Variants in GSE1 observed in about 807,000 individuals in gnomAD.
GSE1 encodes the protein genetic suppressor element 1.
In GSE1, 32 loss-of-function variants were observed where a neutral mutation model predicts 112.6. The ratio of observed to expected loss-of-function variants is 0.28; its 90% CI spans 0.21 to 0.38. GSE1 has a LOEUF of 0.38. Ranked by LOEUF, GSE1 falls within the 10% of genes least tolerant of loss-of-function variation. The probability of loss-of-function intolerance (pLI) is 1.00; values close to 1 mark genes in which losing one functional copy is unlikely to be tolerated. For missense variants in GSE1, 2,348 were observed against 1,699.2 expected (o/e 1.38, Z -6.71); for synonymous variants, 1,115 against 735.6 (o/e 1.52, Z -8.35).
intron 1 of GSE1, among the ~76,000 whole-genome samples, chr16:85,211,992 G>C (rs1028564874): frequency 2.0e-5 from 3 of 152,230 alleles, no homozygotes; most frequent in Non-Finnish European, 4.4e-5. Context: ...GTTTCTGACT[G>C]GGGGAGGACT....
At chr16:85,206,218 C>T (rs148612617) in intron 1 of GSE1, among the ~76,000 whole-genome samples, 1,539 of 150,074 alleles carry the variant, frequency 0.01, 28 homozygotes, top group African/African-American at 0.036. Context: ...CAAAGGGCGC[C>T]GGGTGTGGTG....
At position 85,210,787 on chromosome 16, in the gene GSE1, C is replaced by T. The variant is rs141150595; in HGVS notation, c.2283+38980C>T. ...TTGAAACATCCTTTAATGTTGTCAC[C>T]GTGTCATCTTAGCACTAAATGGGAG... On this transcript the variant is annotated intron_variant, in intron 1 of 2. Coordinates refer to the GSE1 transcript ENST00000637419. 2.7e-3 allele frequency among the ~76,000 whole-genome samples: 418 copies of T among 152,278 alleles called. 2 individuals carry two copies. The highest frequency in any genetic ancestry group is 9.2e-3 in the African/African-American group (382 of 41,548).
chr16:85,206,617 C>G (rs1382347315), intron 1 of GSE1, among the ~76,000 whole-genome samples: 1 of 152,150 alleles, frequency 6.6e-6, no homozygotes, highest in African/African-American at 2.4e-5. Flanking sequence ...GCCGGGGGGC[C>G]CCTACAGCAT....
intron 2 of GSE1, among the ~76,000 whole-genome samples, chr16:85,550,332 G>C (rs1598145386): frequency 6.6e-6 from 1 of 152,166 alleles, no homozygotes; most frequent in African/African-American, 2.4e-5. Flanking sequence ...TCTTCATCTG[G>C]AAAATGGAAC....
At chr16:85,401,169 G>A (rs917556188) in intron 2 of GSE1, among the ~76,000 whole-genome samples, 1 of 152,172 alleles carries the variant, frequency 6.6e-6, no homozygotes, top group Non-Finnish European at 1.5e-5. Context: ...GGGGGCCCCC[G>A]CCCGGCAGGA....
intron 2 of GSE1, among the ~76,000 whole-genome samples, chr16:85,456,579 C>T (rs937940977): frequency 2.8e-4 from 26 of 91,474 alleles, no homozygotes; most frequent in African/African-American, 9.1e-4. Flanking sequence ...ATTTTCCTGC[C>T]GTGTGTGTGT....
upstream of GSE1, chr16:85,613,109 C>G: frequency 2.0e-6 from 2 of 983,478 alleles, no homozygotes; most frequent in Non-Finnish European, 1.4e-6. Flanking sequence ...TGCGCGCGCG[C>G]GCGCCTGTGT....
At position 85,518,889 on chromosome 16, in the gene GSE1, C is replaced by T. The variant is rs142154207; in HGVS notation, c.2465-115025C>T. Among the ~76,000 whole-genome samples the T allele has an allele frequency of 1.2e-3, 179 of 152,250 alleles. 1 individual carries two copies. Among genetic ancestry groups the T allele is most frequent in the African/African-American group, 4.1e-3 (171 of 41,538 alleles). On this transcript the variant is annotated intron_variant, in intron 2 of 2. Coordinates refer to the GSE1 transcript ENST00000637419. ...CCAGCTCAGGCTCACACCTGGGCCC[C>T]CAACACACACCCCCGTTTTGTCCTC...
At chr16:85,665,176 G>T in intron 12 of GSE1, 48 bp downstream of exon 12, 1 of 1,130,174 alleles carries the variant, frequency 8.8e-7, no homozygotes, top group Non-Finnish European at 1.3e-6. Flanking sequence ...CCATCCCATG[G>T]GCTGCCCAGG....
intron 1 of GSE1, among the ~76,000 whole-genome samples, chr16:85,236,968 C>T (rs923093638): frequency 1.3e-5 from 2 of 152,218 alleles, no homozygotes; most frequent in Admixed American, 1.3e-4. Context: ...TTTATGACCA[C>T]TGTCACCACC....
At chr16:85,204,283 C>T (rs1480585615) in intron 1 of GSE1, among the ~76,000 whole-genome samples, 1 of 152,232 alleles carries the variant, frequency 6.6e-6, no homozygotes, top group Non-Finnish European at 1.5e-5. Context: ...CACCCCTGAA[C>T]TTCATTCTTC....
At chr16:85,280,698 A>G (rs1434329963) in intron 1 of GSE1, among the ~76,000 whole-genome samples, 3 of 152,138 alleles carry the variant, frequency 2.0e-5, no homozygotes, top group Non-Finnish European at 4.4e-5. Flanking sequence ...ACCCGGCCAC[A>G]TGGTCTCTTT....
rs550628535 is a variant in GSE1, at chr16:85,273,698, G to T, written c.2284-83765G>T. Among the ~76,000 whole-genome samples the T allele has an allele frequency of 6.2e-3, 934 of 151,576 alleles. 12 individuals are homozygous for T. Among genetic ancestry groups the T allele is most frequent in the Middle Eastern group, 0.037 (11 of 294 alleles). ...TCATGGGCATGGGGTCTCCTTTTTG[G>T]TTTTTTTTGAGATGGAGTTTAGCCC... On this transcript the variant is annotated intron_variant, in intron 1 of 2. Coordinates refer to the GSE1 transcript ENST00000637419.
At chr16:85,506,223 C>T (rs1298371654) in intron 2 of GSE1, among the ~76,000 whole-genome samples, 1 of 152,216 alleles carries the variant, frequency 6.6e-6, no homozygotes, top group Non-Finnish European at 1.5e-5. Flanking sequence ...ACGGTCACCG[C>T]CAGCCACATG....
At chr16:85,316,893 G>C (rs1209144098) in intron 1 of GSE1, among the ~76,000 whole-genome samples, 2 of 152,204 alleles carry the variant, frequency 1.3e-5, no homozygotes, top group Non-Finnish European at 2.9e-5. Flanking sequence ...CGGCCTCAAA[G>C]AGTGGAAAAA....
At chr16:85,219,365 C>T (rs989476028) in intron 1 of GSE1, among the ~76,000 whole-genome samples, 1 of 152,198 alleles carries the variant, frequency 6.6e-6, no homozygotes, top group Non-Finnish European at 1.5e-5. Flanking sequence ...TATATTTTGA[C>T]ACTTTGGTTG....
intron 1 of GSE1, among the ~76,000 whole-genome samples, chr16:85,182,454 A>AG (rs1468753547): frequency 6.6e-6 from 1 of 152,168 alleles, no homozygotes; most frequent in Non-Finnish European, 1.5e-5. Flanking sequence ...TGGTCCCTGC[A>AG]GGGGGGATCG....
intron 2 of GSE1, among the ~76,000 whole-genome samples, chr16:85,483,357 T>A (rs1054104562): frequency 7.9e-5 from 12 of 152,094 alleles, no homozygotes; most frequent in Non-Finnish European, 1.2e-4. Flanking sequence ...TGGAGTTGAG[T>A]CCCCTTCTCT....
chr16:85,256,635 C>T (rs1471588882), intron 1 of GSE1, among the ~76,000 whole-genome samples: 1 of 152,250 alleles, frequency 6.6e-6, no homozygotes, highest in Admixed American at 6.5e-5. Context: ...TCCACCAGCT[C>T]CTCCCCATCC....
Sources: gnomAD v4.1 joint callset for allele counts (sites outside exome capture counted in the v4.1 genomes callset) on GRCh38, gnomAD v4.1.1 for gene constraint, MANE v1.5 for transcripts, NCBI Gene and HGNC (gene_info 2026-07-23, HGNC 2026-07-21) for gene names.